Variants in ZBTB20 observed in about 807,000 individuals in gnomAD.
ZBTB20 encodes the protein zinc finger and BTB domain containing 20.
Under a neutral mutation model 56.9 loss-of-function variants are expected in ZBTB20, and 9 were observed. That is an observed-to-expected ratio of 0.16 (90% CI 0.10 to 0.28). The LOEUF (loss-of-function observed/expected upper bound fraction) is 0.28, where lower values mean the gene tolerates loss of function less well. Ranked by LOEUF, ZBTB20 falls within the 10% of genes least tolerant of loss-of-function variation. The probability of loss-of-function intolerance (pLI) is 1.00; values close to 1 mark genes in which losing one functional copy is unlikely to be tolerated. For synonymous variants in ZBTB20, 417 were observed against 420.7 expected (o/e 0.99, Z 0.11); for missense variants, 655 against 1,003.0 (o/e 0.65, Z 4.69).
chr3:115,146,590 C>T (rs1425363064), intron 1 of ZBTB20, among the ~76,000 whole-genome samples: 2 of 152,186 alleles, frequency 1.3e-5, no homozygotes, highest in Non-Finnish European at 2.9e-5. Flanking sequence ...CCTCTCTAGT[C>T]GTAGAAGCGA....
Position 114,351,418 on chromosome 3 carries a change from C to G in ZBTB20, c.660G>C (p.Thr220=). The change falls in exon 11 of 12, where the codon ACG becomes ACC. Residue 220 remains threonine (T), a synonymous_variant. Transcript: ENST00000675478. ...DTPRGTPESG[T]SGQSSDTESG... ...ACTCCGTGTCGCTGCTCTGGCCTGACGTGCCTGACTCGGGAGTGCCCCGCG... is the reference window on the plus strand; with the variant it reads ...ACTCCGTGTCGCTGCTCTGGCCTGAGGTGCCTGACTCGGGAGTGCCCCGCG... 3 of 1,613,062 alleles carry G rather than the reference C, an allele frequency of 1.9e-6. No individual in the cohort carries two copies. Among genetic ancestry groups the G allele is most frequent in the South Asian group, 1.1e-5 (1 of 91,068 alleles).
In ZBTB20 at chr3:114,788,940, G is replaced by A. The variant is rs555548376; in HGVS notation, c.-343+12161C>T. Among the ~76,000 whole-genome samples, 5 of 152,202 alleles carry A rather than the reference G, an allele frequency of 3.3e-5. No homozygotes were observed. In the South Asian group the frequency reaches 1.0e-3, roughly 32 times the overall value. The stretch of plus-strand genomic sequence containing the variant: ...TTTATAAAACCATCAGATCTCATGA[G>A]ACTTATTCACTATCATGAGAACAGC... On this transcript the variant is annotated intron_variant, in intron 5 of 11. Coordinates refer to ENST00000675478, the MANE Select transcript of ZBTB20 (RefSeq NM_001348800.3).
chr3:114,977,761 T>C (rs1408486584), intron 2 of ZBTB20, among the ~76,000 whole-genome samples: 1 of 152,154 alleles, frequency 6.6e-6, no homozygotes, highest in Non-Finnish European at 1.5e-5. Flanking sequence ...CACAGTGGTA[T>C]ATAATATAAG....
intron 7 of ZBTB20, among the ~76,000 whole-genome samples, chr3:114,400,720 C>T (rs1266247737): frequency 6.6e-6 from 1 of 152,058 alleles, no homozygotes. Context: ...GGAGGTCAGA[C>T]GTCACTGCTC....
intron 8 of ZBTB20, among the ~76,000 whole-genome samples, chr3:114,386,055 C>T (rs6781403): frequency 0.23 from 34,231 of 152,020 alleles, 4,726 homozygotes; most frequent in East Asian, 0.33. Flanking sequence ...GCTGTGGCTA[C>T]ACTACACCAT....
intron 6 of ZBTB20, among the ~76,000 whole-genome samples, chr3:114,524,871 C>T (rs2047035455): frequency 6.6e-6 from 1 of 152,130 alleles, no homozygotes; most frequent in Admixed American, 6.5e-5. Context: ...CGCACCACCA[C>T]ACCCGGCTAA....
At chr3:114,817,459 G>A (rs558064782) in intron 4 of ZBTB20, among the ~76,000 whole-genome samples, 3 of 151,674 alleles carry the variant, frequency 2.0e-5, no homozygotes, top group East Asian at 1.9e-4. Flanking sequence ...CGGAGGTTGC[G>A]GTGAGCTGAG....
intron 4 of ZBTB20, among the ~76,000 whole-genome samples, chr3:114,812,476 C>T (rs191421910): frequency 0.01 from 1,560 of 152,272 alleles, 11 homozygotes; most frequent in Non-Finnish European, 0.016. Context: ...ATACAGAGTG[C>T]CGATTGGTGT....
chr3:114,496,895 TCTC>T (rs2109594151), intron 7 of ZBTB20, among the ~76,000 whole-genome samples: 1 of 152,238 alleles, frequency 6.6e-6, no homozygotes, highest in South Asian at 2.1e-4. Context: ...GGGAATGTCT[TCTC>T]CTTATCTGCC....
chr3:114,545,113 G>A (rs868236821), intron 6 of ZBTB20, among the ~76,000 whole-genome samples: 24 of 152,120 alleles, frequency 1.6e-4, no homozygotes, highest in African/African-American at 5.8e-4. Context: ...GTATATGAAG[G>A]ACGGAAAACC....
intron 7 of ZBTB20, among the ~76,000 whole-genome samples, chr3:114,437,361 G>A (rs147224677): frequency 1.3e-5 from 2 of 152,136 alleles, no homozygotes; most frequent in African/African-American, 4.8e-5. Context: ...CAGCCTACTT[G>A]GTTGAGGTGA....
intron 4 of ZBTB20, among the ~76,000 whole-genome samples, chr3:114,824,467 T>G (rs1415246253): frequency 6.6e-6 from 1 of 152,016 alleles, no homozygotes; most frequent in Non-Finnish European, 1.5e-5. Flanking sequence ...AAGAGGCTTT[T>G]TTTAATATCA....
chr3:115,074,285 T>C (rs2082517059), intron 1 of ZBTB20, among the ~76,000 whole-genome samples: 1 of 152,170 alleles, frequency 6.6e-6, no homozygotes, highest in South Asian at 2.1e-4. Context: ...AGTAATTAAA[T>C]AAATGTAAAA....
intron 6 of ZBTB20, among the ~76,000 whole-genome samples, chr3:114,614,583 T>C (rs1486729008): frequency 4.6e-5 from 7 of 152,180 alleles, no homozygotes; most frequent in Admixed American, 4.6e-4. Flanking sequence ...CTGCTGGGAT[T>C]TTCTGAACCA....
At chr3:115,135,415 T>C (rs1335315704) in intron 1 of ZBTB20, among the ~76,000 whole-genome samples, 1 of 152,210 alleles carries the variant, frequency 6.6e-6, no homozygotes, top group Non-Finnish European at 1.5e-5. Flanking sequence ...AGCATATTCC[T>C]GAATATATAA....
intron 2 of ZBTB20, among the ~76,000 whole-genome samples, chr3:115,033,870 C>T: frequency 6.6e-6 from 1 of 151,594 alleles, no homozygotes; most frequent in East Asian, 1.9e-4. Context: ...TATAGCAAAC[C>T]AAATTCAGTA....
intron 6 of ZBTB20, among the ~76,000 whole-genome samples, chr3:114,661,411 G>A (rs2060716453): frequency 6.6e-6 from 1 of 152,130 alleles, no homozygotes; most frequent in Non-Finnish European, 1.5e-5. Flanking sequence ...AGCCTTTTCA[G>A]AGCCAATTCA....
intron 5 of ZBTB20, among the ~76,000 whole-genome samples, chr3:114,718,509 T>G (rs1164796128): frequency 2.0e-5 from 3 of 152,062 alleles, no homozygotes; most frequent in Admixed American, 6.6e-5. Context: ...ATTGCTTTCC[T>G]CACATCTGGC....
At chr3:114,551,539 A>C (rs1362156988) in intron 6 of ZBTB20, among the ~76,000 whole-genome samples, 1 of 152,226 alleles carries the variant, frequency 6.6e-6, no homozygotes, top group African/African-American at 2.4e-5. Flanking sequence ...ATTTGGGATG[A>C]GCCTTTGAGG....
Sources: allele counts gnomAD v4.1 joint callset (sites outside exome capture counted in the v4.1 genomes callset), GRCh38; gene constraint gnomAD v4.1.1; transcripts MANE v1.5; gene names NCBI Gene and HGNC (gene_info 2026-07-23, HGNC 2026-07-21).